RARB: variants seen among roughly 807,000 people sequenced by gnomAD.
RARB encodes HBV-activated protein.
RARB carries 17 observed loss-of-function variants against 51.9 expected under a neutral mutation model. The observed-to-expected ratio is 0.33, with a 90% confidence interval of 0.22 to 0.49. The LOEUF is 0.49. Ranked by LOEUF, RARB falls within the 20% of genes least tolerant of loss-of-function variation. The probability of loss-of-function intolerance (pLI) is 0.99; values close to 1 mark genes in which losing one functional copy is unlikely to be tolerated. For synonymous variants in RARB, 215 were observed against 195.4 expected, an observed-to-expected ratio of 1.10 and a Z score of -0.84; for missense variants, 369 against 550.8, an observed-to-expected ratio of 0.67 and a Z score of 3.30.
At chr3:24,867,609 C>G (rs546607400) in intron 2 of RARB, among the ~76,000 whole-genome samples, 23 of 152,168 alleles carry the variant, frequency 1.5e-4, no homozygotes, top group Non-Finnish European at 2.6e-4. Context: ...GGGGAGGGAG[C>G]CTTTGGTCTC....
chr3:25,202,742 G>A (rs1199699017), intron 5 of RARB, among the ~76,000 whole-genome samples: 1 of 152,194 alleles, frequency 6.6e-6, no homozygotes, highest in Non-Finnish European at 1.5e-5. Flanking sequence ...TAGTTGAGCA[G>A]TTTTGAGTGA....
chr3:24,888,714 T>C (rs995649700), intron 2 of RARB, among the ~76,000 whole-genome samples: 3 of 152,188 alleles, frequency 2.0e-5, no homozygotes, highest in African/African-American at 7.2e-5. Flanking sequence ...CATTGATGGA[T>C]ATAAATATGT....
intron 3 of RARB, among the ~76,000 whole-genome samples, chr3:25,563,102 A>C (rs1030421909): frequency 1.3e-5 from 2 of 152,198 alleles, no homozygotes; most frequent in African/African-American, 4.8e-5. Flanking sequence ...AATTCTAAGC[A>C]TGCTCCTTGC....
At chr3:25,082,895 C>T (rs2125313676) in intron 3 of RARB, among the ~76,000 whole-genome samples, 1 of 152,180 alleles carries the variant, frequency 6.6e-6, no homozygotes, top group South Asian at 2.1e-4. Context: ...CTGAAAACTT[C>T]TTAATATCAC....
intron 2 of RARB, among the ~76,000 whole-genome samples, chr3:24,988,345 A>G (rs1696837867): frequency 6.6e-6 from 1 of 152,228 alleles, no homozygotes; most frequent in African/African-American, 2.4e-5. Context: ...TTTCTGGTTC[A>G]TATTTTTAAT....
intron 2 of RARB, among the ~76,000 whole-genome samples, chr3:25,015,804 A>G (rs1023569200): frequency 2.0e-5 from 3 of 152,200 alleles, no homozygotes; most frequent in Admixed American, 6.5e-5. Flanking sequence ...CAAGAAGTCA[A>G]TGGACAAGCA....
At chr3:25,525,143 G>A (rs954671501) in intron 3 of RARB, among the ~76,000 whole-genome samples, 1 of 152,168 alleles carries the variant, frequency 6.6e-6, no homozygotes, top group Non-Finnish European at 1.5e-5. Flanking sequence ...TTCTGACAAA[G>A]CTCTTCAAAA....
At chr3:25,452,160 T>A (rs968829586) in intron 1 of RARB, among the ~76,000 whole-genome samples, 2 of 152,210 alleles carry the variant, frequency 1.3e-5, no homozygotes, top group African/African-American at 4.8e-5. Context: ...TAAGAGAGGA[T>A]TTATTTGAAC....
At chr3:24,882,350 C>A (rs995715819) in intron 2 of RARB, among the ~76,000 whole-genome samples, 1 of 152,116 alleles carries the variant, frequency 6.6e-6, no homozygotes, top group African/African-American at 2.4e-5. Flanking sequence ...CCTTGTTATT[C>A]ACTAAACAAT....
chr3:25,457,284 G>A (rs1694967172), intron 1 of RARB, among the ~76,000 whole-genome samples: 1 of 152,022 alleles, frequency 6.6e-6, no homozygotes, highest in Admixed American at 6.6e-5. Flanking sequence ...CAAGGATAAG[G>A]GATTATGTAC....
intron 5 of RARB, among the ~76,000 whole-genome samples, chr3:25,342,486 C>A (rs542501111): frequency 6.6e-6 from 1 of 152,276 alleles, no homozygotes; most frequent in South Asian, 2.1e-4. Context: ...TTTTGGTCAA[C>A]AGGATAAAAA....
intron 3 of RARB, among the ~76,000 whole-genome samples, chr3:25,099,631 A>C (rs1313131049): frequency 6.6e-6 from 1 of 152,024 alleles, no homozygotes; most frequent in Non-Finnish European, 1.5e-5. Context: ...AAAAAAAAAA[A>C]AAAACTTTCA....
intron 5 of RARB, among the ~76,000 whole-genome samples, chr3:25,392,252 C>T (rs1706985244): frequency 6.6e-6 from 1 of 152,096 alleles, no homozygotes; most frequent in Non-Finnish European, 1.5e-5. Context: ...GTCTATGTGC[C>T]TACTTTTATA....
At chr3:25,241,995 A>T (rs1289831393) in intron 5 of RARB, among the ~76,000 whole-genome samples, 5 of 152,138 alleles carry the variant, frequency 3.3e-5, no homozygotes, top group Middle Eastern at 3.2e-3. Context: ...CTTTTTAATG[A>T]TCACCACTTT....
intron 4 of RARB, among the ~76,000 whole-genome samples, chr3:25,170,768 TACAG>T (rs957617962): frequency 2.0e-5 from 3 of 151,998 alleles, no homozygotes; most frequent in Admixed American, 6.5e-5. Flanking sequence ...ATTATATACA[TACAG>T]AGAAAAATTA....
intron 5 of RARB, among the ~76,000 whole-genome samples, chr3:25,237,345 A>C (rs990429254): frequency 6.6e-6 from 1 of 152,132 alleles, no homozygotes; most frequent in Non-Finnish European, 1.5e-5. Context: ...TATTCTTTTA[A>C]TAAATATTCT....
chr3:25,073,033 C>A (rs1350814043), intron 3 of RARB, among the ~76,000 whole-genome samples: 1 of 152,002 alleles, frequency 6.6e-6, no homozygotes, highest in Non-Finnish European at 1.5e-5. Context: ...TTTTTTCCTG[C>A]CATTTGAATA....
At position 25,452,778 on chromosome 3, in the gene RARB, C is replaced by T. The variant is rs1575417301; in HGVS notation, c.158-8415C>T. 2.6e-5 allele frequency among the ~76,000 whole-genome samples: 4 copies of T among 152,252 alleles called. No homozygotes were observed. In the South Asian group the frequency reaches 8.3e-4, roughly 32 times the overall value. On this transcript the variant is annotated intron_variant, in intron 1 of 7. Transcript: ENST00000330688. ...CCTAATTCTAAGGTGCTCAGTTCTC[C>T]CTCTCCTCATGGTATGGGGGAAGGA...
Position 24,918,576 on chromosome 3 carries a change from A to C in RARB, c.-380+59824A>C, listed in dbSNP as rs1695152961. Among the ~76,000 whole-genome samples the C allele has an allele frequency of 2.6e-5, 4 of 152,210 alleles. No homozygotes were observed. The East Asian group carries it at 7.7e-4, about 29-fold the overall frequency. ...GTTAATAACATCTCAAAGCTGTTAC[A>C]AATATTGTACAAAATTTAGACTAGG... On this transcript the variant is annotated intron_variant, in intron 2 of 11. Transcript: ENST00000383772.
Sources: gnomAD v4.1 joint callset for allele counts (sites outside exome capture counted in the v4.1 genomes callset) on GRCh38, gnomAD v4.1.1 for gene constraint, MANE v1.5 for transcripts, NCBI Gene and HGNC (gene_info 2026-07-23, HGNC 2026-07-21) for gene names.